Variants in PMS1 observed in about 807,000 individuals in gnomAD.
The protein encoded by PMS1 is PMS1 homolog 1, mismatch repair system component.
PMS1 carries 79 observed loss-of-function variants against 93.1 expected under a neutral mutation model. The observed-to-expected ratio is 0.85, with a 90% CI of 0.71 to 1.02. PMS1 has a LOEUF of 1.02. PMS1 is among the 50% of genes least tolerant of loss of function. The pLI, the probability that PMS1 is intolerant of heterozygous loss-of-function variation, is 0.00. For synonymous variants in PMS1, 335 were observed against 363.4 expected (o/e 0.92, Z 0.89); for missense variants, 1,064 against 1,085.3 (o/e 0.98, Z 0.28).
chr2:189,821,388 G>A (rs2051854711), intron 5 of PMS1, among the ~76,000 whole-genome samples: 1 of 151,820 alleles, frequency 6.6e-6, no homozygotes, highest in African/African-American at 2.4e-5. Context: ...CCGGGAAGCA[G>A]GGAGGTTGCC....
intron 2 of PMS1, among the ~76,000 whole-genome samples, chr2:189,794,912 CA>C (rs2049206210): frequency 6.6e-6 from 1 of 152,000 alleles, no homozygotes; most frequent in Non-Finnish European, 1.5e-5. Context: ...GCCTGGACAA[CA>C]AAGTGAGACC....
intron 6 of PMS1, among the ~76,000 whole-genome samples, chr2:189,848,214 C>A (rs1046797976): frequency 6.6e-6 from 1 of 152,206 alleles, no homozygotes; most frequent in Non-Finnish European, 1.5e-5. Flanking sequence ...GGCAGGAGAT[C>A]TAGACTTGAT....
At chr2:189,819,523 C>T (rs2051636909) in intron 5 of PMS1, among the ~76,000 whole-genome samples, 1 of 152,162 alleles carries the variant, frequency 6.6e-6, no homozygotes, top group African/African-American at 2.4e-5. Context: ...TCCCTTTTCT[C>T]TGCATCCTCA....
intron 2 of PMS1, among the ~76,000 whole-genome samples, chr2:189,792,773 CT>C (rs2049000984): frequency 6.9e-6 from 1 of 145,490 alleles, no homozygotes; most frequent in African/African-American, 2.5e-5. Flanking sequence ...TGTGACTTAA[CT>C]ACTACTATAC....
intron 4 of PMS1, among the ~76,000 whole-genome samples, chr2:189,811,038 G>C (rs527367230): frequency 6.6e-6 from 1 of 151,222 alleles, no homozygotes; most frequent in South Asian, 2.1e-4. Context: ...AAACTGGTAA[G>C]AAGGTAGCAA....
chr2:189,863,096 T>A (rs1190659011), intron 9 of PMS1, among the ~76,000 whole-genome samples: 1 of 152,144 alleles, frequency 6.6e-6, no homozygotes. Flanking sequence ...CCTATAAATG[T>A]GGGTCTCTAT....
chr2:189,860,029 CCT>C (rs913977987), intron 9 of PMS1, among the ~76,000 whole-genome samples: 1 of 152,130 alleles, frequency 6.6e-6, no homozygotes, highest in South Asian at 2.1e-4. Flanking sequence ...CTTTATTCAT[CCT>C]CTCTTTTTCT....
At chr2:189,819,732 T>C (rs1326218029) in intron 5 of PMS1, among the ~76,000 whole-genome samples, 1 of 152,198 alleles carries the variant, frequency 6.6e-6, no homozygotes, top group Non-Finnish European at 1.5e-5. Context: ...TTATTTGTTT[T>C]TGTTTTTTGA....
intron 6 of PMS1, among the ~76,000 whole-genome samples, chr2:189,850,059 C>T (rs1248140437): frequency 6.6e-6 from 1 of 152,036 alleles, no homozygotes; most frequent in Non-Finnish European, 1.5e-5. Flanking sequence ...GCCGTCACTC[C>T]CTGTTAAATG....
chr2:189,869,816 T>TAAA (rs398060888), intron 11 of PMS1, among the ~76,000 whole-genome samples: 1 of 134,902 alleles, frequency 7.4e-6, no homozygotes, highest in Non-Finnish European at 1.6e-5. Context: ...GACTCCATCT[T>TAAA]AAAAAAAAAA....
At chr2:189,867,627 A>T (rs5743171) in intron 10 of PMS1, among the ~76,000 whole-genome samples, 172 bp from the exon 11 acceptor site, 246 of 152,322 alleles carry the variant, frequency 1.6e-3, no homozygotes, top group African/African-American at 5.8e-3. Flanking sequence ...GTAGGTATTT[A>T]ATAAAATATT....
rs1451907478 is a variant in PMS1 at position 189,784,541 on chromosome 2, C to G, written c.-73C>G. ...TTGGGCCTGCGCATCGGGTGAGACG[C>G]TGGCTGCTTGCGGCTAGTGGATGGT... On this transcript the variant is annotated 5_prime_UTR_variant, in exon 1 of 13. Transcript: ENST00000441310. 1.3e-5 allele frequency: 2 copies of G among 153,062 alleles called. No homozygotes were observed. The highest frequency in any genetic ancestry group is 4.8e-5 in the African/African-American group (2 of 41,484). 9.5% of individuals were successfully genotyped at this position (153,062 alleles called of 1,614,324 possible). A position where few individuals can be genotyped will look rare whatever the true frequency, so the allele number is the denominator to read the frequency against.
chr2:189,873,750 C>A, intron 12 of PMS1, 94 bp downstream of exon 12: 2 of 849,920 alleles, frequency 2.4e-6, no homozygotes, highest in South Asian at 1.4e-5. Flanking sequence ...AGGAGGTGAG[C>A]GGCCTCCTAG....
At chr2:189,865,669 G>C (rs1315901884) in intron 10 of PMS1, among the ~76,000 whole-genome samples, 1 of 151,852 alleles carries the variant, frequency 6.6e-6, no homozygotes, top group Non-Finnish European at 1.5e-5. Context: ...AAATAACCTT[G>C]GATGACAAAG....
At chr2:189,786,805 A>C (rs1254595459) in intron 1 of PMS1, among the ~76,000 whole-genome samples, 1 of 152,210 alleles carries the variant, frequency 6.6e-6, no homozygotes, top group East Asian at 1.9e-4. Context: ...TAATCCCAGC[A>C]CTTTGGGAGG....
rs5743142 is a variant in PMS1, at chr2:189,857,519, A to G, written c.1856+2391A>G. On this transcript the variant is annotated intron_variant, in intron 9 of 12. Transcript: ENST00000441310. Reference sequence around the variant, plus strand: ...AATTCTCTAAGGTATATTAAGAGATATGAGAGTAGACGCCTCTTCTATAGA... The same window carrying G: ...AATTCTCTAAGGTATATTAAGAGATGTGAGAGTAGACGCCTCTTCTATAGA... 3,960 of 466,314 alleles carry G rather than the reference A, an allele frequency of 8.5e-3. 30 individuals are homozygous for G. Among genetic ancestry groups the G allele is most frequent in the Non-Finnish European group, 0.013 (2,906 of 224,286 alleles). 28.9% of individuals were successfully genotyped at this position (466,314 alleles called of 1,614,324 possible). A position where few individuals can be genotyped will look rare whatever the true frequency, so the allele number is the denominator to read the frequency against.
intron 4 of PMS1, 175 bp downstream of exon 4, chr2:189,805,929 A>G (rs367724648): frequency 1.3e-6 from 2 of 1,514,478 alleles, no homozygotes; most frequent in African/African-American, 2.8e-5. Context: ...AATTTCTTAA[A>G]TATTTAGAAT....
chr2:189,869,263 T>G (rs1294176564), intron 11 of PMS1, among the ~76,000 whole-genome samples: 1 of 152,206 alleles, frequency 6.6e-6, no homozygotes, highest in Non-Finnish European at 1.5e-5. Flanking sequence ...ATTAAATCAG[T>G]GAGCATGGTA....
intron 5 of PMS1, among the ~76,000 whole-genome samples, chr2:189,831,116 A>G (rs1159728941): frequency 6.6e-6 from 1 of 152,232 alleles, no homozygotes; most frequent in Non-Finnish European, 1.5e-5. Flanking sequence ...AGATAGAGAA[A>G]TAGTTTAAAC....
Sources: gnomAD v4.1 joint callset for allele counts (sites outside exome capture counted in the v4.1 genomes callset) on GRCh38, gnomAD v4.1.1 for gene constraint, MANE v1.5 for transcripts, NCBI Gene and HGNC (gene_info 2026-07-23, HGNC 2026-07-21) for gene names.